Variants in MED26 observed in about 807,000 individuals in gnomAD.
MED26 encodes mediator of RNA polymerase II transcription subunit 26.
In MED26, 7 loss-of-function variants were observed where a neutral mutation model predicts 43.7. The ratio of observed to expected loss-of-function variants is 0.16; its 90% CI spans 0.09 to 0.30. The LOEUF (loss-of-function observed/expected upper bound fraction) is 0.30. MED26 is among the 10% of genes least tolerant of loss of function. The pLI is 1.00. For synonymous variants in MED26, 375 were observed against 371.1 expected, an observed-to-expected ratio of 1.01 and a Z score of -0.12; for missense variants, 784 against 840.6, an observed-to-expected ratio of 0.93 and a Z score of 0.83.
intron 1 of MED26, chr19:16,578,656 A>G (rs2086027068): frequency 1.9e-6 from 1 of 523,230 alleles, no homozygotes; most frequent in African/African-American, 1.9e-5. Flanking sequence ...CCTCCAGTGT[A>G]CATGGTACAT....
chr19:16,605,857 G>A (rs1050667265), intron 1 of MED26, among the ~76,000 whole-genome samples: 5 of 152,344 alleles, frequency 3.3e-5, no homozygotes, highest in African/African-American at 1.2e-4. Context: ...AGGCTGCATG[G>A]CACCCTGCCA....
chr19:16,583,390 G>A (rs1008646131), intron 1 of MED26, among the ~76,000 whole-genome samples: 3 of 152,156 alleles, frequency 2.0e-5, no homozygotes, highest in Admixed American at 6.5e-5. Context: ...AACCATCAAC[G>A]AAGACAGGCG....
chr19:16,609,770 C>T (rs572742986), intron 1 of MED26, among the ~76,000 whole-genome samples: 4 of 151,656 alleles, frequency 2.6e-5, no homozygotes, highest in African/African-American at 9.7e-5. Flanking sequence ...TTTAGAAATG[C>T]CAACTCATAA....
chr19:16,624,426 G>C (rs969893578), intron 1 of MED26: 2 of 152,244 alleles, frequency 1.3e-5, no homozygotes, highest in African/African-American at 4.8e-5. Flanking sequence ...CTGGCAGCTG[G>C]AGGCACTGAC....
At chr19:16,606,263 C>T (rs941474667) in intron 1 of MED26, among the ~76,000 whole-genome samples, 2 of 152,214 alleles carry the variant, frequency 1.3e-5, no homozygotes, top group Non-Finnish European at 2.9e-5. Context: ...CCTGAAGACA[C>T]AATGGGGCCG....
chr19:16,582,604 A>G (rs1393410557), intron 1 of MED26, among the ~76,000 whole-genome samples: 1 of 152,132 alleles, frequency 6.6e-6, no homozygotes. Context: ...AGTGACAGAG[A>G]CACCAGGACT....
At chr19:16,627,682 G>C (rs941170745) in intron 1 of MED26, among the ~76,000 whole-genome samples, 190 bp downstream of exon 1, 1 of 152,246 alleles carries the variant, frequency 6.6e-6, no homozygotes, top group Non-Finnish European at 1.5e-5. Context: ...CTCACGTACC[G>C]AGCGCTGCCG....
At chr19:16,601,461 C>G (rs376791788) in intron 1 of MED26, among the ~76,000 whole-genome samples, 1 of 152,288 alleles carries the variant, frequency 6.6e-6, no homozygotes, top group East Asian at 1.9e-4. Flanking sequence ...GGCCTAAGTA[C>G]TGGCTCTTTT....
intron 1 of MED26, among the ~76,000 whole-genome samples, chr19:16,584,923 G>T (rs1599333437): frequency 6.6e-6 from 1 of 152,222 alleles, no homozygotes; most frequent in African/African-American, 2.4e-5. Flanking sequence ...TAAAGGGGAA[G>T]TGAGCAAATA....
intron 1 of MED26, among the ~76,000 whole-genome samples, chr19:16,622,089 T>A (rs896939000): frequency 6.6e-6 from 1 of 152,252 alleles, no homozygotes; most frequent in Non-Finnish European, 1.5e-5. Context: ...AGAGCCTGCC[T>A]GCCTGACTAC....
rs552325447 is a variant in MED26 at position 16,627,819 on chromosome 19, G to A, written c.72+53C>T. On this transcript the variant is annotated intron_variant, in intron 1 of 2. Coordinates refer to ENST00000263390, the MANE Select transcript of MED26 (RefSeq NM_004831.5). The stretch of plus-strand genomic sequence containing the variant: ...GTGGGCGAGGGGTACAGGAGAGGGG[G>A]AGGGTCCCGGGCCCATGCGGCCTCC... The A allele has an allele frequency of 8.9e-6, 12 of 1,341,110 alleles. No individual in the cohort carries two copies. The African/African-American group carries it at 9.1e-5, about 10-fold the overall frequency. The allele number at this position is 1,341,110 out of a possible 1,614,324, so 83.1% of individuals were successfully genotyped here.
intron 1 of MED26, among the ~76,000 whole-genome samples, chr19:16,579,424 G>A (rs73514979): frequency 1.3e-3 from 198 of 152,302 alleles, no homozygotes; most frequent in African/African-American, 4.5e-3. Flanking sequence ...TAGGTACTTC[G>A]GGGGATACAG....
chr19:16,593,531 G>C (rs756752334), intron 1 of MED26, among the ~76,000 whole-genome samples: 2 of 152,240 alleles, frequency 1.3e-5, no homozygotes, highest in African/African-American at 4.8e-5. Context: ...GCAACTAGCA[G>C]GGACTTGATA....
intron 1 of MED26, among the ~76,000 whole-genome samples, chr19:16,619,078 G>A (rs1599348881): frequency 6.6e-6 from 1 of 152,196 alleles, no homozygotes; most frequent in African/African-American, 2.4e-5. Flanking sequence ...CTCCCTTTAG[G>A]GCTGGACAGG....
chr19:16,576,428 G>A lies in MED26; in HGVS notation c.1402C>T (p.Leu468Phe). 1 of 1,614,186 alleles carries A rather than the reference G, an allele frequency of 6.2e-7. No homozygotes were observed. The highest frequency in any genetic ancestry group is 8.5e-7 in the Non-Finnish European group (1 of 1,180,044). ...ELDKQEAKAS[L>F]QSPFEQTNWK... ...TTCGTCTGTTCGAAGGGGCTCTGGAGGCTGGCCTTGGCCTCCTGCTTGTCC... is the reference window on the plus strand; with the variant it reads ...TTCGTCTGTTCGAAGGGGCTCTGGAAGCTGGCCTTGGCCTCCTGCTTGTCC... The change falls in exon 3 of 3, where the codon CTC (leucine) becomes TTC (phenylalanine). Residue 468 changes from leucine (L) to phenylalanine (F), a missense_variant. Coordinates refer to ENST00000263390, the MANE Select transcript of MED26 (RefSeq NM_004831.5). This position sits in a 1 kb window ranked among gnomAD's most constrained non-coding sequence, Gnocchi z 6.8.
At chr19:16,589,525 C>A (rs1019782002) in intron 1 of MED26, 6 of 151,976 alleles carry the variant, frequency 3.9e-5, no homozygotes, top group African/African-American at 1.2e-4. Context: ...CACAAAAAAA[C>A]ACATTTTTTT....
rs1290052789 is a variant in MED26, at chr19:16,586,873, A to G, written c.73-8464T>C. ...CCTCAGTGGCAAAGCACCTGTAAAA[A>G]CCGGTTCACTTTAAAAACAACAATG... is the stretch of plus-strand genomic sequence containing the variant. On this transcript the variant is annotated intron_variant, in intron 1 of 2. Transcript: ENST00000263390. This position sits in a 1 kb window ranked among gnomAD's most constrained non-coding sequence, Gnocchi z 5.1. 2.0e-5 allele frequency: 3 copies of G among 147,966 alleles called. No individual in the cohort carries two copies. Among genetic ancestry groups the G allele is most frequent in the Non-Finnish European group, 4.5e-5 (3 of 67,308 alleles). 9.2% of individuals were successfully genotyped at this position (147,966 alleles called of 1,614,324 possible).
At chr19:16,614,404 C>A (rs58197961) in intron 1 of MED26, among the ~76,000 whole-genome samples, 2,221 of 152,210 alleles carry the variant, frequency 0.015, 51 homozygotes, top group African/African-American at 0.05. Context: ...TAGCGTGTGT[C>A]TGTAGTCTTA....
intron 1 of MED26, chr19:16,597,558 A>G (rs1684601452): frequency 5.0e-6 from 2 of 397,918 alleles, no homozygotes; most frequent in Non-Finnish European, 8.9e-6. Flanking sequence ...GCCATCGGAA[A>G]ATATGAAAGG....
Sources: gnomAD v4.1 joint callset for allele counts (sites outside exome capture counted in the v4.1 genomes callset) on GRCh38, gnomAD v4.1.1 for gene constraint, Gnocchi (gnomAD v3.1) non-coding constraint, MANE v1.5 for transcripts, NCBI Gene and HGNC (gene_info 2026-07-23, HGNC 2026-07-21) for gene names.